MCCC2: variants seen among roughly 807,000 people sequenced by gnomAD.
MCCC2 encodes the protein methylcrotonyl-CoA carboxylase subunit 2.
A neutral mutation model predicts 77.2 loss-of-function variants in MCCC2; 52 were observed. The ratio of observed to expected loss-of-function variants is 0.67; its 90% CI spans 0.54 to 0.85. The LOEUF is 0.85. Among genes scored for constraint, MCCC2 ranks in the 40% least tolerant of loss-of-function variants. MCCC2 has a pLI of 0.00. For synonymous variants in MCCC2, 253 were observed against 248.4 expected, an observed-to-expected ratio of 1.02 and a Z score of -0.18; for missense variants, 682 against 703.2, an observed-to-expected ratio of 0.97 and a Z score of 0.34.
intron 1 of MCCC2, 125 bp from the exon 2 acceptor site, chr5:71,592,801 C>T: frequency 1.3e-6 from 1 of 765,718 alleles, no homozygotes; most frequent in African/African-American, 1.8e-5. Context: ...ATGGGGTGGC[C>T]CAGTGTGGCG....
At chr5:71,595,623 C>A (rs1745155913) in intron 2 of MCCC2, among the ~76,000 whole-genome samples, 1 of 152,158 alleles carries the variant, frequency 6.6e-6, no homozygotes, top group Non-Finnish European at 1.5e-5. Context: ...TACTTCTGTT[C>A]TTGCTCCATT....
At chr5:71,614,122 G>A (rs992486066) in intron 6 of MCCC2, among the ~76,000 whole-genome samples, 5 of 151,354 alleles carry the variant, frequency 3.3e-5, no homozygotes, top group African/African-American at 1.2e-4. Flanking sequence ...AGGAAAGGAG[G>A]TTTAGGGTTA....
intron 10 of MCCC2, among the ~76,000 whole-genome samples, chr5:71,637,312 A>G (rs1746965979): frequency 6.6e-6 from 1 of 152,252 alleles, no homozygotes; most frequent in South Asian, 2.1e-4. Flanking sequence ...TTGTGGGTTC[A>G]GTTCCAGATC....
chr5:71,628,908 A>AT (rs1362449951), intron 7 of MCCC2, among the ~76,000 whole-genome samples: 3 of 152,098 alleles, frequency 2.0e-5, no homozygotes, highest in Non-Finnish European at 4.4e-5. Context: ...AAGACCTTTG[A>AT]TTTTTTTGAC....
At chr5:71,642,134 A>G (rs548580280) in intron 11 of MCCC2, among the ~76,000 whole-genome samples, 2 of 152,252 alleles carry the variant, frequency 1.3e-5, no homozygotes, top group East Asian at 3.9e-4. Flanking sequence ...CTTATCCCCT[A>G]GAGTACACAA....
intron 7 of MCCC2, among the ~76,000 whole-genome samples, chr5:71,627,931 C>A (rs567308545): frequency 6.6e-6 from 1 of 152,114 alleles, no homozygotes; most frequent in Admixed American, 6.6e-5. Flanking sequence ...GCAACCTCCA[C>A]CTCCCAGGTT....
At chr5:71,636,262 T>C in intron 10 of MCCC2, 1 of 176,856 alleles carries the variant, frequency 5.7e-6, no homozygotes, top group South Asian at 9.9e-5. Flanking sequence ...TGCTAGTGGG[T>C]CTTAAATCCT....
At chr5:71,636,888 C>T (rs1398397599) in intron 10 of MCCC2, among the ~76,000 whole-genome samples, 2 of 151,496 alleles carry the variant, frequency 1.3e-5, no homozygotes, top group African/African-American at 2.4e-5. Flanking sequence ...GGATTACAGG[C>T]ACCCGCCACC....
At position 71,632,474 on chromosome 5, in the gene MCCC2, G is replaced by A. The variant is rs149853484; in HGVS notation, c.803+289G>A. Among the ~76,000 whole-genome samples, 103 of 152,288 alleles carry A rather than the reference G, an allele frequency of 6.8e-4. 1 individual carries two copies. In the East Asian group the frequency reaches 0.02, roughly 29 times the overall value. ...CTGTTCTGGGTGCCTGAGGTAAGAGGTAGATACTATCTTTGACTTCGAGGA... is the reference window on the plus strand; with the variant it reads ...CTGTTCTGGGTGCCTGAGGTAAGAGATAGATACTATCTTTGACTTCGAGGA... On this transcript the variant is annotated intron_variant, in intron 8 of 16. Transcript: ENST00000340941.
chr5:71,645,776 C>T (rs1747257572), intron 12 of MCCC2, among the ~76,000 whole-genome samples: 1 of 152,160 alleles, frequency 6.6e-6, no homozygotes, highest in Non-Finnish European at 1.5e-5. Context: ...GAGCCATGTG[C>T]CAGTGATTAT....
Position 71,657,769 on chromosome 5 carries a change from T to C in MCCC2, c.*909T>C, listed in dbSNP as rs569921676. 6.6e-6 allele frequency: 1 copy of C among 152,292 alleles called. No individual in the cohort carries two copies. The highest frequency in any genetic ancestry group is 2.1e-4 in the South Asian group (1 of 4,820). The allele number at this position is 152,292 out of a possible 1,614,324, so 9.4% of individuals were successfully genotyped here. The stretch of plus-strand genomic sequence containing the variant: ...AATGTATGTGTTTCTCATGGTTTGA[T>C]TTATTCTTGCTGGGCCATTTCAGCC... On this transcript the variant is annotated 3_prime_UTR_variant, in exon 17 of 17. Transcript: ENST00000340941.
At chr5:71,646,934 G>A (rs1161726473) in intron 13 of MCCC2, among the ~76,000 whole-genome samples, 2 of 152,108 alleles carry the variant, frequency 1.3e-5, no homozygotes. Flanking sequence ...TGTATACCCT[G>A]AACCAAAGTC....
chr5:71,652,635 G>A (rs751302800), intron 15 of MCCC2, 34 bp from the exon 16 acceptor site: 20 of 1,566,966 alleles, frequency 1.3e-5, no homozygotes, highest in South Asian at 1.0e-4. Context: ...GTTGTTCACT[G>A]AAGCTGACTT....
chr5:71,589,321 C>A (rs1354975832), intron 1 of MCCC2, among the ~76,000 whole-genome samples: 2 of 152,234 alleles, frequency 1.3e-5, no homozygotes, highest in African/African-American at 2.4e-5. Context: ...CAGTAACTCA[C>A]AACAGTAAAT....
At chr5:71,634,330 C>T (rs1388065358) in intron 8 of MCCC2, among the ~76,000 whole-genome samples, 3 of 152,194 alleles carry the variant, frequency 2.0e-5, no homozygotes, top group Non-Finnish European at 4.4e-5. Flanking sequence ...GCCACAGAAC[C>T]GTTTTACTAG....
intron 6 of MCCC2, among the ~76,000 whole-genome samples, chr5:71,620,564 C>G (rs368462): frequency 0.32 from 48,310 of 151,950 alleles, 8,471 homozygotes; most frequent in East Asian, 0.52. Context: ...TCTTAGCTCT[C>G]TGTCAGAGAC....
Position 71,656,837 on chromosome 5 carries a change from G to A in MCCC2, c.1669G>A (p.Asp557Asn), listed in dbSNP as rs1580337442. ...AALNAPIEKT[D>N]FGIFRM ...CCTCAACGCACCAATAGAGAAGACT[G>A]ACTTCGGTATCTTCAGGATGTAACT... Residue 557 changes from aspartate (D) to asparagine (N), a missense_variant, in exon 17 of 17, where the codon GAC becomes AAC. By Grantham distance (23) the Asp-to-Asn change is conservative (BLOSUM62 1). Coordinates refer to ENST00000340941, the MANE Select transcript of MCCC2 (RefSeq NM_022132.5). The A allele has an allele frequency of 6.2e-7, 1 of 1,613,802 alleles. No homozygotes were observed. Among genetic ancestry groups the A allele is most frequent in the Non-Finnish European group, 8.5e-7 (1 of 1,179,702 alleles).
chr5:71,635,394 A>T, intron 10 of MCCC2, 148 bp downstream of exon 10: 2 of 742,580 alleles, frequency 2.7e-6, no homozygotes, highest in South Asian at 2.9e-5. Flanking sequence ...TGGCAATGAT[A>T]CCTTTCCATA....
rs988394384 is a variant in MCCC2, at chr5:71,634,873, C to G, written c.804-70C>G. 2.2e-6 allele frequency: 3 copies of G among 1,363,580 alleles called. No homozygotes were observed. The African/African-American group carries it at 4.3e-5, about 20-fold the overall frequency. 84.5% of individuals were successfully genotyped at this position (1,363,580 alleles called of 1,614,324 possible). On this transcript the variant is annotated intron_variant, in intron 8 of 16. Transcript: ENST00000340941. ...TGTCATCTTTAGATGAGAGAAGATA[C>G]TTGGGACCTGAGATATTTAATTATT...
Sources: gnomAD v4.1 joint callset for allele counts (sites outside exome capture counted in the v4.1 genomes callset) on GRCh38, gnomAD v4.1.1 for gene constraint, MANE v1.5 for transcripts, NCBI Gene and HGNC (gene_info 2026-07-23, HGNC 2026-07-21) for gene names.